The following MYOM2 variants were observed in gnomAD, a reference collection of about 807,000 sequenced individuals.
MYOM2 encodes the protein myomesin-2.
Under a neutral mutation model 187.6 loss-of-function variants are expected in MYOM2, and 254 were observed. That is an observed-to-expected ratio of 1.35 (90% CI 1.22 to 1.50). The LOEUF is 1.50. Ranked by LOEUF, MYOM2 falls within the 40% of genes most tolerant of loss-of-function variation. MYOM2 has a pLI of 0.00. For synonymous variants in MYOM2, 981 were observed against 753.8 expected (o/e 1.30, Z -4.94); for missense variants, 2,796 against 1,924.0 (o/e 1.45, Z -8.48).
Position 2,122,698 on chromosome 8 carries a change from C to T in MYOM2, c.3454-554C>T, listed in dbSNP as rs186354314. Among the ~76,000 whole-genome samples the T allele has an allele frequency of 9.3e-4, 142 of 152,312 alleles. 1 individual carries two copies. Among genetic ancestry groups the T allele is most frequent in the Non-Finnish European group, 1.4e-3 (97 of 68,034 alleles). ...ATGCCGGAGCATGTGAATTGGAATG[C>T]TCATTTATCTTCGGAGTTCCGCAAA... On this transcript the variant is annotated intron_variant, in intron 28 of 36. Coordinates refer to ENST00000262113, the MANE Select transcript of MYOM2 (RefSeq NM_003970.4).
rs138854390 is a variant in MYOM2, at chr8:2,079,577, G to A, written c.1480G>A (p.Glu494Lys). 141 of 1,614,156 alleles carry A rather than the reference G, an allele frequency of 8.7e-5. 2 individuals are homozygous for A. The African/African-American group carries it at 1.5e-3, about 17-fold the overall frequency. Residue 494 changes from glutamate to lysine, a missense_variant, in exon 13 of 37, where the codon GAG (glutamate) becomes AAG (lysine). Physicochemically the swap from Glu to Lys is moderately conservative, Grantham distance 56. Coordinates refer to ENST00000262113, the MANE Select transcript of MYOM2 (RefSeq NM_003970.4). ...CTCCGCAGCCGTTCATTTGGAGGGA[G>A]AGAAGGAGATTGCCATTTATCAGGA... ...RRLQAVHLEG[E>K]KEIAIYQDDL...
At chr8:2,055,222 C>T (rs941755062) in intron 3 of MYOM2, among the ~76,000 whole-genome samples, 1 of 152,192 alleles carries the variant, frequency 6.6e-6, no homozygotes. Flanking sequence ...TTCAGAGTTA[C>T]AGGACAGGGC....
intron 13 of MYOM2, among the ~76,000 whole-genome samples, chr8:2,084,125 C>G (rs545808547): frequency 2.6e-5 from 4 of 152,216 alleles, no homozygotes; most frequent in Non-Finnish European, 5.9e-5. Context: ...TGCATCTTCT[C>G]TCTGGAATGC....
At chr8:2,059,117 C>T (rs779545305) in intron 5 of MYOM2, 36 bp from the exon 6 acceptor site, 1 of 1,582,494 alleles carries the variant, frequency 6.3e-7, no homozygotes, top group Non-Finnish European at 8.7e-7. Flanking sequence ...AAATACAACT[C>T]TGCCTTTAAA....
At chr8:2,138,095 C>A (rs62480011) in intron 32 of MYOM2, among the ~76,000 whole-genome samples, 7,511 of 152,266 alleles carry the variant, frequency 0.049, 566 homozygotes, top group African/African-American at 0.15. Flanking sequence ...CCCATCAATC[C>A]CTTTAGTAAT....
At chr8:2,088,313 G>T (rs77711998) in intron 14 of MYOM2, among the ~76,000 whole-genome samples, 3,325 of 152,246 alleles carry the variant, frequency 0.022, 125 homozygotes, top group African/African-American at 0.077. Context: ...TAGCTTCAGG[G>T]GGTACCTGTG....
At chr8:2,103,851 G>A (rs1307715482) in intron 21 of MYOM2, among the ~76,000 whole-genome samples, 3 of 152,092 alleles carry the variant, frequency 2.0e-5, no homozygotes, top group African/African-American at 7.3e-5. Flanking sequence ...GTGTATATGT[G>A]TATGTATGTA....
At chr8:2,140,498 CATA>C (rs1798236615) in intron 32 of MYOM2, among the ~76,000 whole-genome samples, 1 of 152,168 alleles carries the variant, frequency 6.6e-6, no homozygotes, top group Non-Finnish European at 1.5e-5. Flanking sequence ...GTATATATTA[CATA>C]ATAATATACC....
In MYOM2 at chr8:2,051,519, C is replaced by T. The variant is rs562502027; in HGVS notation, c.108-639C>T. 2.0e-5 allele frequency among the ~76,000 whole-genome samples: 3 copies of T among 152,354 alleles called. No homozygotes were observed. The South Asian group carries it at 6.2e-4, about 32-fold the overall frequency. ...GGCAGGCGTTCTGCAGCCCAGGTGC[C>T]TGCCTCATGTCACCCACACCCTATG... On this transcript the variant is annotated intron_variant, in intron 2 of 36. Transcript: ENST00000262113.
intron 34 of MYOM2, among the ~76,000 whole-genome samples, chr8:2,141,712 G>A (rs1011175240): frequency 6.6e-6 from 1 of 152,118 alleles, no homozygotes; most frequent in Non-Finnish European, 1.5e-5. Flanking sequence ...GTTTCTGGTC[G>A]GAGGTGTCAT....
intron 32 of MYOM2, 80 bp from the exon 33 acceptor site, chr8:2,140,643 C>G: frequency 1.4e-6 from 2 of 1,420,828 alleles, no homozygotes; most frequent in Non-Finnish European, 1.9e-6. Context: ...GCTGTCACAG[C>G]AACGGGACAT....
chr8:2,079,421 T>G, intron 12 of MYOM2, 139 bp from the exon 13 acceptor site: 1 of 805,300 alleles, frequency 1.2e-6, no homozygotes, highest in South Asian at 1.4e-5. Flanking sequence ...ACTTCCAGAA[T>G]CAGCTCTGAT....
Position 2,096,341 on chromosome 8 carries a change from G to A in MYOM2, c.2220G>A (p.Ser740=), listed in dbSNP as rs531014414. 81 of 1,614,006 alleles carry A rather than the reference G, an allele frequency of 5.0e-5. No homozygotes were observed. Among genetic ancestry groups the A allele is most frequent in the African/African-American group, 8.0e-5 (6 of 74,930 alleles). ...GWKVPKFSGG[S]PILGYYLDKR... ...AGGTCCCGAAATTCAGTGGTGGCTCGCCCATCCTGGGCTACTACCTGGACA... is the reference window on the plus strand; with the variant it reads ...AGGTCCCGAAATTCAGTGGTGGCTCACCCATCCTGGGCTACTACCTGGACA... The change falls in exon 18 of 37, where the codon TCG becomes TCA. Residue 740 remains serine (S), a synonymous_variant. Coordinates refer to ENST00000262113, the MANE Select transcript of MYOM2 (RefSeq NM_003970.4).
chr8:2,085,112 A>C (rs1168019401), intron 13 of MYOM2, 151 bp from the exon 14 acceptor site: 1 of 863,506 alleles, frequency 1.2e-6, no homozygotes, highest in Non-Finnish European at 1.7e-6. Context: ...CTCTGGTTCC[A>C]AGGAAGCATC....
rs780660466 is a variant in MYOM2, at chr8:2,123,636, G to A, written c.3649G>A (p.Gly1217Ser). ...GQDVSILEIAGKVYDDMILAM... is the reference protein window; with the variant it reads ...GQDVSILEIASKVYDDMILAM... The stretch of plus-strand genomic sequence containing the variant: ...AGATGTGTCCATCCTTGAAATAGCT[G>A]GCAAAGGTAAAAGAAAACCTCCTTT... The change falls in exon 30 of 37, where the codon GGC becomes AGC. Residue 1217 changes from glycine to serine, a missense_variant. Transcript: ENST00000262113. 1.5e-5 allele frequency: 24 copies of A among 1,613,806 alleles called. No homozygotes were observed. Among genetic ancestry groups the A allele is most frequent in the Non-Finnish European group, 2.0e-5 (24 of 1,179,852 alleles).
chr8:2,086,432 T>C lies in MYOM2; in HGVS notation c.1644+1042T>C, dbSNP rs1029964543. ...CGTGGCCTCCCACTGTTGTGATCTC[T>C]GCGTGGCCCCCTACTGTCGTGATCT... On this transcript the variant is annotated intron_variant, in intron 14 of 36. Coordinates refer to ENST00000262113, the MANE Select transcript of MYOM2 (RefSeq NM_003970.4). Among the ~76,000 whole-genome samples the C allele has an allele frequency of 5.5e-4, 71 of 128,056 alleles. 2 individuals carry two copies. Among genetic ancestry groups the C allele is most frequent in the Admixed American group, 1.7e-3 (21 of 12,352 alleles). 84.0% of individuals were successfully genotyped at this position (128,056 alleles called of 152,430 possible).
At chr8:2,131,756 G>C (rs1201457757) in intron 32 of MYOM2, among the ~76,000 whole-genome samples, 1 of 149,436 alleles carries the variant, frequency 6.7e-6, no homozygotes, top group Non-Finnish European at 1.5e-5. Context: ...CCATTCTCCT[G>C]CCTCAGCCTC....
At chr8:2,119,354 A>T (rs1282918668) in intron 28 of MYOM2, 2 of 152,370 alleles carry the variant, frequency 1.3e-5, no homozygotes, top group African/African-American at 4.8e-5. Context: ...CAGCTCCAGG[A>T]TTATTAAGCA....
intron 8 of MYOM2, 54 bp downstream of exon 8, chr8:2,069,551 G>C (rs954385554): frequency 6.3e-7 from 1 of 1,593,442 alleles, no homozygotes; most frequent in Non-Finnish European, 8.6e-7. Context: ...TGACATAGCA[G>C]ACAATTTGAA....
Sources: allele counts gnomAD v4.1 joint callset (sites outside exome capture counted in the v4.1 genomes callset), GRCh38; gene constraint gnomAD v4.1.1; transcripts MANE v1.5; gene names NCBI Gene and HGNC (gene_info 2026-07-23, HGNC 2026-07-21).